The following PTPRD variants were observed in gnomAD, a reference collection of about 807,000 sequenced individuals.
PTPRD encodes the protein receptor-type tyrosine-protein phosphatase delta.
Under a neutral mutation model 214.5 loss-of-function variants are expected in PTPRD, and 34 were observed. The observed-to-expected ratio is 0.16, with a 90% CI of 0.12 to 0.21. The LOEUF is 0.21. PTPRD is among the 10% of genes least tolerant of loss of function. PTPRD has a pLI of 1.00. For synonymous variants in PTPRD, 1,128 were observed against 845.7 expected (o/e 1.33, Z -5.79); for missense variants, 2,545 against 2,398.7 (o/e 1.06, Z -1.27).
Position 8,317,481 on chromosome 9 carries a change from T to G in PTPRD, c.*393A>C. ...TGTCAAAGCAGAGTCCGTTTCATTG[T>G]GAGAAGCCACACCAGCACATATCTT... On this transcript the variant is annotated 3_prime_UTR_variant, in exon 46 of 46. Coordinates refer to ENST00000381196, the MANE Select transcript of PTPRD (RefSeq NM_002839.4). 1 of 244,580 alleles carries G rather than the reference T, an allele frequency of 4.1e-6. No individual in the cohort carries two copies. The allele number at this position is 244,580 out of a possible 1,614,324, so 15.2% of individuals were successfully genotyped here.
At chr9:10,149,536 A>AC (rs2099046297) in intron 3 of PTPRD, among the ~76,000 whole-genome samples, 1 of 152,056 alleles carries the variant, frequency 6.6e-6, no homozygotes, top group Non-Finnish European at 1.5e-5. Context: ...TCCGTCCTCT[A>AC]CCTGGTGTAC....
At chr9:10,566,993 T>C (rs2065831426) in intron 2 of PTPRD, among the ~76,000 whole-genome samples, 1 of 152,152 alleles carries the variant, frequency 6.6e-6, no homozygotes, top group South Asian at 2.1e-4. Context: ...ACTCTATAAA[T>C]ACTTCTGTGA....
intron 11 of PTPRD, among the ~76,000 whole-genome samples, chr9:8,930,087 T>A (rs1462169406): frequency 6.6e-6 from 1 of 151,818 alleles, no homozygotes; most frequent in African/African-American, 2.4e-5. Context: ...ATTAGGTATA[T>A]CTCCTAATGC....
chr9:9,517,857 A>C (rs916117770), intron 8 of PTPRD, among the ~76,000 whole-genome samples: 2 of 151,960 alleles, frequency 1.3e-5, no homozygotes, highest in Non-Finnish European at 2.9e-5. Context: ...AGTTATAGAA[A>C]GATTTACTTA....
intron 9 of PTPRD, among the ~76,000 whole-genome samples, chr9:9,293,797 G>T (rs1952045639): frequency 6.6e-6 from 1 of 151,534 alleles, no homozygotes; most frequent in African/African-American, 2.4e-5. Context: ...GTTATGTACT[G>T]CAGTTGTAAC....
At chr9:9,340,895 C>G in intron 9 of PTPRD, among the ~76,000 whole-genome samples, 1 of 152,214 alleles carries the variant, frequency 6.6e-6, no homozygotes, top group South Asian at 2.1e-4. Flanking sequence ...TTAGAATAAA[C>G]TACTAGTGAA....
intron 9 of PTPRD, among the ~76,000 whole-genome samples, chr9:9,285,447 C>A (rs773220797): frequency 6.6e-6 from 1 of 151,694 alleles, no homozygotes. Context: ...TTCTTTTCTT[C>A]ATTGGTAACT....
intron 12 of PTPRD, among the ~76,000 whole-genome samples, chr9:8,693,943 G>A (rs2097857953): frequency 6.6e-6 from 1 of 152,304 alleles, no homozygotes; most frequent in African/African-American, 2.4e-5. Context: ...ACTGAAAGAT[G>A]CAGATGTTTT....
intron 9 of PTPRD, among the ~76,000 whole-genome samples, chr9:9,273,174 G>C (rs1431726892): frequency 6.6e-6 from 1 of 151,262 alleles, no homozygotes. Context: ...ATATTATTAT[G>C]TCAATATATG....
chr9:9,916,274 A>G (rs2080777600), intron 5 of PTPRD, among the ~76,000 whole-genome samples: 1 of 151,986 alleles, frequency 6.6e-6, no homozygotes, highest in Non-Finnish European at 1.5e-5. Flanking sequence ...ACCATCATGG[A>G]AACATACAAA....
intron 26 of PTPRD, among the ~76,000 whole-genome samples, chr9:8,493,884 A>T (rs1190687669): frequency 6.6e-6 from 1 of 152,046 alleles, no homozygotes; most frequent in Admixed American, 6.6e-5. Context: ...AGGTTATGGG[A>T]TTCTTTAGAG....
chr9:9,077,823 A>C (rs1591186151), intron 10 of PTPRD, among the ~76,000 whole-genome samples: 1 of 152,092 alleles, frequency 6.6e-6, no homozygotes, highest in East Asian at 1.9e-4. Context: ...ACCCCAGCTT[A>C]ACCTGAGTCA....
At chr9:9,833,499 A>T (rs185824458) in intron 5 of PTPRD, among the ~76,000 whole-genome samples, 1,824 of 151,920 alleles carry the variant, frequency 0.012, 23 homozygotes, top group African/African-American at 0.041. Flanking sequence ...ATTGCTAATG[A>T]AGTTTCGGGC....
chr9:9,858,921 A>T (rs1382227338), intron 5 of PTPRD, among the ~76,000 whole-genome samples: 26 of 152,184 alleles, frequency 1.7e-4, no homozygotes, highest in Admixed American at 1.7e-3. Context: ...GCCCAAGAAC[A>T]GGCATCACCT....
chr9:10,112,836 C>T (rs1465174842), intron 3 of PTPRD, among the ~76,000 whole-genome samples: 1 of 152,196 alleles, frequency 6.6e-6, no homozygotes, highest in Non-Finnish European at 1.5e-5. Flanking sequence ...CCAATGTTCA[C>T]GTCTTGTCTT....
chr9:8,551,994 T>C lies in PTPRD; in HGVS notation c.353-23215A>G, dbSNP rs1429748535. Among the ~76,000 whole-genome samples, 4 of 152,202 alleles carry C rather than the reference T, an allele frequency of 2.6e-5. No individual in the cohort carries two copies. The East Asian group carries it at 7.7e-4, about 29-fold the overall frequency. ...AACTTTTCTGGCTGTACTTCAATTG[T>C]AGCTAAGATCCAAGTTGAAAAGTTC... On this transcript the variant is annotated intron_variant, in intron 14 of 45. Transcript: ENST00000381196.
intron 3 of PTPRD, among the ~76,000 whole-genome samples, chr9:10,195,645 T>G (rs2099394990): frequency 6.6e-6 from 1 of 151,070 alleles, no homozygotes. Context: ...CAACCATCTA[T>G]TTCTTACCTG....
intron 8 of PTPRD, among the ~76,000 whole-genome samples, chr9:9,572,913 G>A (rs2086990111): frequency 6.6e-6 from 1 of 151,638 alleles, no homozygotes; most frequent in Non-Finnish European, 1.5e-5. Flanking sequence ...ACTATAGGGA[G>A]CAACTGAACT....
intron 11 of PTPRD, among the ~76,000 whole-genome samples, chr9:8,789,978 T>C (rs2154505411): frequency 6.6e-6 from 1 of 152,280 alleles, no homozygotes; most frequent in East Asian, 1.9e-4. Flanking sequence ...TATACAATAC[T>C]ATACAACTCA....
Sources: allele counts gnomAD v4.1 joint callset (sites outside exome capture counted in the v4.1 genomes callset), GRCh38; gene constraint gnomAD v4.1.1; transcripts MANE v1.5; gene names NCBI Gene and HGNC (gene_info 2026-07-23, HGNC 2026-07-21).